CRACDL: variants seen among roughly 807,000 people sequenced by gnomAD.
CRACDL encodes the protein CRACD like.
Under a neutral mutation model 70.6 loss-of-function variants are expected in CRACDL, and 26 were observed. That is an observed-to-expected ratio of 0.37 (90% CI 0.27 to 0.51). The LOEUF is 0.51. Among genes scored for constraint, CRACDL ranks in the 20% least tolerant of loss-of-function variants. CRACDL has a pLI of 0.94. For missense variants in CRACDL, 1,283 were observed against 1,376.9 expected (o/e 0.93, Z 1.08); for synonymous variants, 618 against 615.2 (o/e 1.00, Z -0.07).
rs761175043 is a variant in CRACDL at position 98,822,875 on chromosome 2, C to T, written c.1398G>A (p.Thr466=). The T allele has an allele frequency of 2.7e-6, 4 of 1,467,752 alleles. No individual in the cohort carries two copies. Among genetic ancestry groups the T allele is most frequent in the South Asian group, 1.4e-5 (1 of 72,962 alleles). 90.9% of individuals were successfully genotyped at this position (1,467,752 alleles called of 1,614,324 possible). A position where few individuals can be genotyped will look rare whatever the true frequency, so the allele number is the denominator to read the frequency against. The part of the protein sequence containing the change: ...PAPEPEREAE[T]EPERGAGTEP... ...CGGTCCCCGCTCCTCTCTCGGGCTC[C>T]GTCTCCGCTTCTCTCTCGGGCTCAG... Residue 466 remains threonine, a synonymous_variant, in exon 7 of 10, where the codon ACG becomes ACA. Transcript: ENST00000397899. This position sits in a 1 kb window ranked among gnomAD's most constrained non-coding sequence, Gnocchi z 4.9.
rs1705162953 is a variant in CRACDL at position 98,823,193 on chromosome 2, G to A, written c.1080C>T (p.Gly360=). ...CGCCGTCGGGACCGGGATTCGGGGG[G>A]CCCTCCGGCGGGGACGGGGGCTCCA... is the stretch of plus-strand genomic sequence containing the variant. The part of the protein sequence containing the change: ...LRVEPPSPPE[G]PPNPGPDGGK... Residue 360 remains glycine, a synonymous_variant, in exon 7 of 10, where the codon GGC becomes GGT. Coordinates refer to ENST00000397899, the MANE Select transcript of CRACDL (RefSeq NM_207362.3). This position sits in a 1 kb window ranked among gnomAD's most constrained non-coding sequence, Gnocchi z 4.0. The A allele has an allele frequency of 4.1e-6, 6 of 1,464,960 alleles. No individual in the cohort carries two copies. Among genetic ancestry groups the A allele is most frequent in the Non-Finnish European group, 5.4e-6 (6 of 1,109,162 alleles). 90.7% of individuals were successfully genotyped at this position (1,464,960 alleles called of 1,614,324 possible). A position where few individuals can be genotyped will look rare whatever the true frequency, so the allele number is the denominator to read the frequency against.
chr2:98,909,191 C>T (rs1416692113), intron 1 of CRACDL, among the ~76,000 whole-genome samples: 1 of 152,204 alleles, frequency 6.6e-6, no homozygotes, highest in African/African-American at 2.4e-5. Context: ...TATGGTTTCT[C>T]TGCACATCAG....
chr2:98,830,297 A>G (rs1178814632), intron 5 of CRACDL, among the ~76,000 whole-genome samples: 1 of 152,246 alleles, frequency 6.6e-6, no homozygotes, highest in Admixed American at 6.5e-5. Context: ...CCTTGGTTAT[A>G]ACATCAAATA....
intron 7 of CRACDL, among the ~76,000 whole-genome samples, chr2:98,809,373 C>T (rs924493980): frequency 6.6e-6 from 1 of 151,984 alleles, no homozygotes; most frequent in Non-Finnish European, 1.5e-5. Context: ...TTGGCTGGCT[C>T]CCCATGTGGG....
At chr2:98,882,757 A>G (rs1707689486) in intron 1 of CRACDL, among the ~76,000 whole-genome samples, 1 of 152,196 alleles carries the variant, frequency 6.6e-6, no homozygotes, top group Admixed American at 6.5e-5. Flanking sequence ...CCCCGATTCC[A>G]CACGGAATGC....
intron 1 of CRACDL, among the ~76,000 whole-genome samples, chr2:98,881,332 C>T (rs539710447): frequency 3.3e-4 from 50 of 152,298 alleles, no homozygotes; most frequent in African/African-American, 1.1e-3. Flanking sequence ...TCAGGCTCCC[C>T]GCAGACTGGG....
intron 3 of CRACDL, among the ~76,000 whole-genome samples, chr2:98,834,138 C>A (rs544143699): frequency 3.7e-4 from 57 of 152,286 alleles, no homozygotes; most frequent in African/African-American, 1.3e-3. Flanking sequence ...ATATCCCTCC[C>A]CCAGTGGACA....
At chr2:98,879,631 C>T (rs1176658411) in intron 1 of CRACDL, among the ~76,000 whole-genome samples, 1 of 152,222 alleles carries the variant, frequency 6.6e-6, no homozygotes, top group African/African-American at 2.4e-5. Flanking sequence ...TCACTGCAAC[C>T]TTTCCCTCCT....
chr2:98,923,114 C>T (rs79375506), intron 1 of CRACDL, among the ~76,000 whole-genome samples: 1 of 151,554 alleles, frequency 6.6e-6, no homozygotes, highest in Non-Finnish European at 1.5e-5. Context: ...TACTAAAATA[C>T]AAAAAAATTA....
At chr2:98,902,637 C>A (rs1708310510) in intron 1 of CRACDL, among the ~76,000 whole-genome samples, 1 of 152,040 alleles carries the variant, frequency 6.6e-6, no homozygotes, top group Non-Finnish European at 1.5e-5. Flanking sequence ...ACTGCCGGGG[C>A]CTGACCATCC....
chr2:98,838,425 T>A, intron 2 of CRACDL, 138 bp from the exon 3 acceptor site: 1 of 525,772 alleles, frequency 1.9e-6, no homozygotes. Context: ...AAAGTCCTTT[T>A]ACTTCGCAAA....
chr2:98,833,090 G>T, intron 3 of CRACDL, 93 bp from the exon 4 acceptor site: 1 of 1,200,684 alleles, frequency 8.3e-7, no homozygotes. Context: ...TGAGTGAACA[G>T]AACATCAAAC....
chr2:98,919,107 T>C (rs984369413), intron 1 of CRACDL, among the ~76,000 whole-genome samples: 3 of 152,216 alleles, frequency 2.0e-5, no homozygotes, highest in African/African-American at 7.2e-5. Context: ...TGATTTTGTA[T>C]ATGGTGATAG....
intron 2 of CRACDL, among the ~76,000 whole-genome samples, chr2:98,842,144 A>C (rs6726156): frequency 0.46 from 69,674 of 151,512 alleles, 16,882 homozygotes; most frequent in African/African-American, 0.61. Context: ...GACTGTGCTC[A>C]AATGGGTATT....
chr2:98,893,506 G>A (rs1708033580), intron 1 of CRACDL, among the ~76,000 whole-genome samples: 1 of 152,032 alleles, frequency 6.6e-6, no homozygotes, highest in African/African-American at 2.4e-5. Context: ...GGATGGTCTC[G>A]ATCTCCTGAC....
At chr2:98,859,732 C>A (rs1234085292) in intron 1 of CRACDL, among the ~76,000 whole-genome samples, 1 of 152,102 alleles carries the variant, frequency 6.6e-6, no homozygotes, top group African/African-American at 2.4e-5. Context: ...GAATGCTTTT[C>A]CCCGGAGATA....
chr2:98,866,466 T>A (rs1040622310), intron 1 of CRACDL, among the ~76,000 whole-genome samples: 149 of 135,708 alleles, frequency 1.1e-3, no homozygotes, highest in African/African-American at 4.0e-3. Flanking sequence ...GATGAAACAA[T>A]CACTTCTTCT....
chr2:98,935,068 A>G (rs72813046), intron 1 of CRACDL, among the ~76,000 whole-genome samples: 2,265 of 152,320 alleles, frequency 0.015, 16 homozygotes, highest in Non-Finnish European at 0.024. Context: ...AGCTCCAGGG[A>G]AAATACCAGG....
At chr2:98,922,269 A>G (rs1021171935) in intron 1 of CRACDL, among the ~76,000 whole-genome samples, 1 of 151,578 alleles carries the variant, frequency 6.6e-6, no homozygotes, top group East Asian at 2.0e-4. Context: ...CCCCGTCTCT[A>G]CTAAAATACA....
Sources: gnomAD v4.1 joint callset for allele counts (sites outside exome capture counted in the v4.1 genomes callset) on GRCh38, gnomAD v4.1.1 for gene constraint, Gnocchi (gnomAD v3.1) non-coding constraint, MANE v1.5 for transcripts, NCBI Gene and HGNC (gene_info 2026-07-23, HGNC 2026-07-21) for gene names.